Variants in PXK observed in about 807,000 individuals in gnomAD.
The protein encoded by PXK is PX domain-containing protein kinase-like protein.
A neutral mutation model predicts 84.7 loss-of-function variants in PXK; 35 were observed. The ratio of observed to expected loss-of-function variants is 0.41; its 90% CI spans 0.32 to 0.55. The LOEUF (loss-of-function observed/expected upper bound fraction) is 0.55. PXK is among the 20% of genes least tolerant of loss of function. The pLI, the probability that PXK is intolerant of heterozygous loss-of-function variation, is 0.21. For missense variants in PXK, 634 were observed against 699.7 expected, an observed-to-expected ratio of 0.91 and a Z score of 1.06; for synonymous variants, 253 against 260.8, an observed-to-expected ratio of 0.97 and a Z score of 0.29.
rs572881914 is a variant in PXK, at chr3:58,421,407, C to T, written c.1529-3345C>T. ...ACCAACCTGGCCAACATGGTGAAACCCCATCTGTACTAAAAATACAAAAAT... is the reference window on the plus strand; with the variant it reads ...ACCAACCTGGCCAACATGGTGAAACTCCATCTGTACTAAAAATACAAAAAT... On this transcript the variant is annotated intron_variant, in intron 17 of 17. Coordinates refer to ENST00000356151, the MANE Select transcript of PXK (RefSeq NM_017771.5). This position sits in a 1 kb window ranked among gnomAD's most constrained non-coding sequence, Gnocchi z 5.5. 1.5e-5 allele frequency: 13 copies of T among 850,310 alleles called. No individual in the cohort carries two copies. The highest frequency in any genetic ancestry group is 1.7e-5 in the Non-Finnish European group (12 of 707,008). The allele number at this position is 850,310 out of a possible 1,614,324, so 52.7% of individuals were successfully genotyped here. A position where few individuals can be genotyped will look rare whatever the true frequency, so the allele number is the denominator to read the frequency against.
chr3:58,347,981 T>C (rs1050734877), intron 1 of PXK, among the ~76,000 whole-genome samples: 4 of 152,140 alleles, frequency 2.6e-5, no homozygotes, highest in African/African-American at 9.7e-5. Context: ...TGGTGTGAAG[T>C]TGGCTCACCG....
chr3:58,426,094 A>G lies in PXK; in HGVS notation c.*1134A>G, dbSNP rs1351790419. ...GTAGCGTCTGTTGTTAGCAAAGAAT[A>G]GATTCACACAGTCTAAGGTTTCCTT... On this transcript the variant is annotated 3_prime_UTR_variant, in exon 18 of 18. Coordinates refer to ENST00000356151, the MANE Select transcript of PXK (RefSeq NM_017771.5). 1.3e-5 allele frequency: 2 copies of G among 152,224 alleles called. No homozygotes were observed. Among genetic ancestry groups the G allele is most frequent in the Non-Finnish European group, 2.9e-5 (2 of 68,044 alleles). 9.4% of individuals were successfully genotyped at this position (152,224 alleles called of 1,614,324 possible).
intron 4 of PXK, among the ~76,000 whole-genome samples, chr3:58,384,376 C>A (rs1406738256): frequency 1.3e-5 from 2 of 152,166 alleles, no homozygotes; most frequent in African/African-American, 2.4e-5. Context: ...AAGGAAAATG[C>A]CTTTCTAGAG....
At chr3:58,404,250 A>G (rs2059047019) in intron 13 of PXK, among the ~76,000 whole-genome samples, 1 of 152,206 alleles carries the variant, frequency 6.6e-6, no homozygotes, top group South Asian at 2.1e-4. Context: ...TGTGTCATGG[A>G]AAGAGAATGG....
intron 1 of PXK, among the ~76,000 whole-genome samples, chr3:58,338,288 C>G (rs530922669): frequency 6.8e-6 from 1 of 147,106 alleles, no homozygotes; most frequent in Non-Finnish European, 1.5e-5. Context: ...TGCAGTGAGC[C>G]GACATCACGC....
chr3:58,414,839 A>G lies in PXK; in HGVS notation c.1528+1876A>G, dbSNP rs2060729399. ...CTCATGAAAATGGTAACTAATATTT[A>G]GCATTTGCCTGGCAACCTAGCATTT... On this transcript the variant is annotated intron_variant, in intron 17 of 17. Transcript: ENST00000356151. This position sits in a 1 kb window ranked among gnomAD's most constrained non-coding sequence, Gnocchi z 4.5. Among the ~76,000 whole-genome samples, 1 of 152,202 alleles carries G rather than the reference A, an allele frequency of 6.6e-6. No individual in the cohort carries two copies. The highest frequency in any genetic ancestry group is 2.4e-5 in the African/African-American group (1 of 41,444).
chr3:58,380,698 C>A (rs779218845), intron 3 of PXK, among the ~76,000 whole-genome samples: 5 of 152,032 alleles, frequency 3.3e-5, no homozygotes, highest in Non-Finnish European at 7.4e-5. Flanking sequence ...GTAATCCCAG[C>A]TGCTTGGAGG....
intron 3 of PXK, among the ~76,000 whole-genome samples, chr3:58,376,217 C>A (rs1339996121): frequency 6.6e-6 from 1 of 151,928 alleles, no homozygotes; most frequent in East Asian, 1.9e-4. Flanking sequence ...GAGTTTGAGA[C>A]CAGCCTGGCC....
intron 1 of PXK, among the ~76,000 whole-genome samples, chr3:58,346,874 C>T (rs1362013220): frequency 6.6e-6 from 1 of 151,896 alleles, no homozygotes; most frequent in Non-Finnish European, 1.5e-5. Context: ...AGTCTGGCTC[C>T]GTCACCCAGG....
intron 17 of PXK, among the ~76,000 whole-genome samples, chr3:58,415,560 C>T (rs2060830849): frequency 6.6e-6 from 1 of 152,254 alleles, no homozygotes; most frequent in African/African-American, 2.4e-5. Flanking sequence ...AGGAAGCTCT[C>T]CAAACCCTGC....
rs1375121129 is a variant in PXK at position 58,383,726 on chromosome 3, G to T, written c.388+1026G>T. 6.6e-6 allele frequency among the ~76,000 whole-genome samples: 1 copy of T among 152,206 alleles called. No homozygotes were observed. The highest frequency in any genetic ancestry group is 1.5e-5 in the Non-Finnish European group (1 of 68,018). ...TGGTGTCACTTTGAAAAGAACAGTA[G>T]AAACCATTGTTTCACCTGATTTGTT... On this transcript the variant is annotated intron_variant, in intron 4 of 17. Transcript: ENST00000356151. The surrounding 1 kb of genome is among the most constrained non-coding windows in gnomAD (Gnocchi z 4.0).
rs1269231432 is a variant in PXK at position 58,332,975 on chromosome 3, C to G, written c.-14C>G. Reference sequence around the variant, plus strand: ...ACCTCGCGTCCCTAGGCGGCGGCGGCCGGGCGTCCCGGGATGGCCTTCATG... The same window carrying G: ...ACCTCGCGTCCCTAGGCGGCGGCGGGCGGGCGTCCCGGGATGGCCTTCATG... On this transcript the variant is annotated 5_prime_UTR_variant, in exon 1 of 18. Transcript: ENST00000356151. This position sits in a 1 kb window ranked among gnomAD's most constrained non-coding sequence, Gnocchi z 5.6. 7.4e-7 allele frequency: 1 copy of G among 1,351,898 alleles called. No individual in the cohort carries two copies. Among genetic ancestry groups the G allele is most frequent in the South Asian group, 1.5e-5 (1 of 68,612 alleles). The allele number at this position is 1,351,898 out of a possible 1,614,324, so 83.7% of individuals were successfully genotyped here. A position where few individuals can be genotyped will look rare whatever the true frequency, so the allele number is the denominator to read the frequency against.
chr3:58,360,964 A>T (rs536620446), intron 1 of PXK, among the ~76,000 whole-genome samples: 1 of 152,042 alleles, frequency 6.6e-6, no homozygotes, highest in East Asian at 1.9e-4. Flanking sequence ...TCTGTGTTTC[A>T]TGCTTGCTTA....
chr3:58,409,810 T>C lies in PXK; in HGVS notation c.1395+192T>C, dbSNP rs1162931366. Among the ~76,000 whole-genome samples, 1 of 152,014 alleles carries C rather than the reference T, an allele frequency of 6.6e-6. No individual in the cohort carries two copies. The highest frequency in any genetic ancestry group is 1.5e-5 in the Non-Finnish European group (1 of 68,024). ...AGTCATATGATAATCAGCCGAGAAATAGCCCATGTAGTTTCCTAGCTTGCT... is the reference window on the plus strand; with the variant it reads ...AGTCATATGATAATCAGCCGAGAAACAGCCCATGTAGTTTCCTAGCTTGCT... On this transcript the variant is annotated intron_variant, in intron 15 of 17. Transcript: ENST00000356151. The surrounding 1 kb of genome is among the most constrained non-coding windows in gnomAD (Gnocchi z 4.2).
intron 1 of PXK, among the ~76,000 whole-genome samples, chr3:58,341,142 TA>T (rs2097722579): frequency 6.6e-6 from 1 of 152,208 alleles, no homozygotes; most frequent in African/African-American, 2.4e-5. Flanking sequence ...ACAAGTGCTT[TA>T]TCTTTGGTAA....
rs930651576 is a variant in PXK, at chr3:58,400,526, G to A, written c.1181+1149G>A. ...GCTGTCCTAGGCACTGTAATGAAAAGAGGAAACCAAGCCCCTGCCCCGTGG... is the reference window on the plus strand; with the variant it reads ...GCTGTCCTAGGCACTGTAATGAAAAAAGGAAACCAAGCCCCTGCCCCGTGG... On this transcript the variant is annotated intron_variant, in intron 12 of 17. Coordinates refer to ENST00000356151, the MANE Select transcript of PXK (RefSeq NM_017771.5). The surrounding 1 kb of genome is among the most constrained non-coding windows in gnomAD (Gnocchi z 4.0). 1.3e-4 allele frequency among the ~76,000 whole-genome samples: 20 copies of A among 152,182 alleles called. No homozygotes were observed. The highest frequency in any genetic ancestry group is 2.5e-4 in the Non-Finnish European group (17 of 68,032).
intron 17 of PXK, chr3:58,423,609 A>C: frequency 6.7e-7 from 1 of 1,497,062 alleles, no homozygotes; most frequent in Non-Finnish European, 8.9e-7. Context: ...TACAAACTTA[A>C]GTAGGGTAGC....
At chr3:58,344,085 G>A (rs1200785707) in intron 1 of PXK, among the ~76,000 whole-genome samples, 6 of 152,226 alleles carry the variant, frequency 3.9e-5, no homozygotes, top group African/African-American at 7.2e-5. Flanking sequence ...ACAAATTGCC[G>A]CTTGATTTCT....
rs200715226 is a variant in PXK at position 58,382,541 on chromosome 3, C to G, written c.229C>G (p.Pro77Ala). 4 of 1,577,678 alleles carry G rather than the reference C, an allele frequency of 2.5e-6. No individual in the cohort carries two copies. The highest frequency in any genetic ancestry group is 3.4e-6 in the Non-Finnish European group (4 of 1,167,504). Residue 77 changes from proline to alanine, a missense_variant, in exon 4 of 18, where the codon CCC (proline) becomes GCC (alanine). Coordinates refer to ENST00000356151, the MANE Select transcript of PXK (RefSeq NM_017771.5). ...QIAGLSLPLP[P>A]KKLIGNMDRE... ...TGCAGGCCTAAGTCTACCTCTTCCT[C>G]CCAAAAAATTGATTGGTAACATGGA...
Sources: gnomAD v4.1 joint callset for allele counts (sites outside exome capture counted in the v4.1 genomes callset) on GRCh38, gnomAD v4.1.1 for gene constraint, Gnocchi (gnomAD v3.1) non-coding constraint, MANE v1.5 for transcripts, NCBI Gene and HGNC (gene_info 2026-07-23, HGNC 2026-07-21) for gene names.